Variants in ARHGAP27 observed in about 807,000 individuals in gnomAD.
The protein encoded by ARHGAP27 is rho GTPase-activating protein 27.
Under a neutral mutation model 102.0 loss-of-function variants are expected in ARHGAP27, and 53 were observed. The observed-to-expected ratio is 0.52, with a 90% confidence interval of 0.42 to 0.65. The LOEUF is 0.65. Among genes scored for constraint, ARHGAP27 ranks in the 30% least tolerant of loss-of-function variants. The probability of loss-of-function intolerance (pLI) is 0.00; values close to 1 mark genes in which losing one functional copy is unlikely to be tolerated. For missense variants in ARHGAP27, 1,117 were observed against 1,256.2 expected (o/e 0.89, Z 1.68); for synonymous variants, 525 against 542.8 (o/e 0.97, Z 0.46).
rs574403010 is a variant in ARHGAP27 at position 45,416,649 on chromosome 17, A to G, written c.658-10566T>C. Among the ~76,000 whole-genome samples the G allele has an allele frequency of 2.5e-3, 378 of 151,190 alleles. 2 individuals carry two copies. Among genetic ancestry groups the G allele is most frequent in the Middle Eastern group, 6.8e-3 (2 of 292 alleles). ...CTGCAACCTCTGCCTCCCAGGTTCA[A>G]GCAATTCTCTGCCTCTGCCTCCAGA... On this transcript the variant is annotated intron_variant, in intron 4 of 19. Transcript: ENST00000685559.
intron 4 of ARHGAP27, among the ~76,000 whole-genome samples, chr17:45,421,833 T>A (rs2049060597): frequency 6.6e-6 from 1 of 152,202 alleles, no homozygotes; most frequent in African/African-American, 2.4e-5. Flanking sequence ...ACAGATTGAA[T>A]TCTCCCACTA....
Position 45,429,939 on chromosome 17 carries a change from C to T in ARHGAP27, c.341G>A (p.Gly114Glu). 1 of 1,132,514 alleles carries T rather than the reference C, an allele frequency of 8.8e-7. No homozygotes were observed. Among genetic ancestry groups the T allele is most frequent in the Non-Finnish European group, 1.1e-6 (1 of 926,414 alleles). 70.2% of individuals were successfully genotyped at this position (1,132,514 alleles called of 1,614,324 possible). Residue 114 changes from glycine to glutamate, a missense_variant, in exon 4 of 20, where the codon GGA (glycine) becomes GAA (glutamate). This residue lies in a region of ARHGAP27 where 610 missense variants were observed against 716.4 expected (regional missense o/e 0.85). Transcript: ENST00000685559. The part of the protein sequence containing the change: ...AGPDGAPEES[G>E]GRASSLCGPA... ...GCCGCACAGGGAGCTGGCTCGGCCT[C>T]CGGACTCCTCGGGGGCGCCGTCGGG...
intron 12 of ARHGAP27, 98 bp from the exon 13 acceptor site, chr17:45,398,145 T>C: frequency 1.1e-6 from 1 of 905,236 alleles, no homozygotes; most frequent in South Asian, 2.5e-5. Context: ...AGGTGACCTG[T>C]CCCTGCCCCC....
chr17:45,408,614 C>T (rs963214433), intron 4 of ARHGAP27: 1 of 152,152 alleles, frequency 6.6e-6, no homozygotes, highest in South Asian at 2.1e-4. Flanking sequence ...TGTAGTCCAA[C>T]CACAACAGGC....
intron 4 of ARHGAP27, among the ~76,000 whole-genome samples, chr17:45,426,733 C>A (rs1328612489): frequency 1.3e-5 from 2 of 152,150 alleles, no homozygotes; most frequent in South Asian, 2.1e-4. Context: ...TGACCCTACA[C>A]CCCCTCTGGC....
chr17:45,403,619 C>G lies in ARHGAP27; in HGVS notation c.1638G>C (p.Leu546=). Residue 546 remains leucine, a splice_region_variant and synonymous_variant, in exon 11 of 20, where the codon CTG becomes CTC. Transcript: ENST00000685559. The part of the protein sequence containing the change: ...KDSKTSAAGG[L]RQPSKFSTPE... Reference sequence around the variant, plus strand: ...CCCTGCCCTGAGGGCCTGGCCTTACCAGGCCGCCTGCAGCCGAGGTCTTTG... The same window carrying G: ...CCCTGCCCTGAGGGCCTGGCCTTACGAGGCCGCCTGCAGCCGAGGTCTTTG... 1 of 1,613,190 alleles carries G rather than the reference C, an allele frequency of 6.2e-7. No individual in the cohort carries two copies. Among genetic ancestry groups the G allele is most frequent in the Non-Finnish European group, 8.5e-7 (1 of 1,179,592 alleles).
Position 45,397,030 on chromosome 17 carries a change from T to C in ARHGAP27, c.1843-6A>G. On this transcript the variant is annotated splice_polypyrimidine_tract_variant and splice_region_variant and intron_variant, in intron 13 of 19. Coordinates refer to ENST00000685559, the MANE Select transcript of ARHGAP27 (RefSeq NM_001282290.2). ...TCTGGGGGCAGCTCTGCGGACTGGA[T>C]TCCCATAGCCTCAGAGAGGCGGGGC... 1 of 1,602,340 alleles carries C rather than the reference T, an allele frequency of 6.2e-7. No homozygotes were observed. Among genetic ancestry groups the C allele is most frequent in the Non-Finnish European group, 8.5e-7 (1 of 1,179,920 alleles).
chr17:45,411,703 G>A (rs948196540), intron 4 of ARHGAP27, among the ~76,000 whole-genome samples: 3 of 152,068 alleles, frequency 2.0e-5, no homozygotes, highest in African/African-American at 7.2e-5. Flanking sequence ...TCAGGGTGGA[G>A]GACAGCAGGA....
Position 45,395,505 on chromosome 17 carries a change from A to G in ARHGAP27, c.2621T>C (p.Val874Ala). ...MPMTMVFQNQ[V>A]VELILQQCAD... ...GCACTGCTGCAGGATGAGCTCCACC[A>G]CCTGGTTCTGGAACACCATGGTCAT... The change falls in exon 20 of 20, where the codon GTG becomes GCG. Residue 874 changes from valine to alanine, a missense_variant. By Grantham distance (64) the Val-to-Ala change is moderately conservative. Around this residue, in one of 3 missense-constraint regions of ARHGAP27, gnomAD observed 493 missense variants for 505.5 expected, o/e 0.98. Transcript: ENST00000685559. 6.3e-7 allele frequency: 1 copy of G among 1,593,446 alleles called. No individual in the cohort carries two copies. Among genetic ancestry groups the G allele is most frequent in the Non-Finnish European group, 8.5e-7 (1 of 1,169,626 alleles).
chr17:45,431,672 G>T lies in ARHGAP27; in HGVS notation c.-70C>A, dbSNP rs1205111922. ...CATGGGCTGGGTGGGCGGAGCCGGCGGTGGCTGCAGGTTAGGCCCCTACCA... is the reference window on the plus strand; with the variant it reads ...CATGGGCTGGGTGGGCGGAGCCGGCTGTGGCTGCAGGTTAGGCCCCTACCA... On this transcript the variant is annotated 5_prime_UTR_variant, in exon 3 of 20. Coordinates refer to ENST00000685559, the MANE Select transcript of ARHGAP27 (RefSeq NM_001282290.2). 6 of 176,034 alleles carry T rather than the reference G, an allele frequency of 3.4e-5. No individual in the cohort carries two copies. The highest frequency in any genetic ancestry group is 2.3e-3 in the Middle Eastern group (2 of 862). The allele number at this position is 176,034 out of a possible 1,614,324, so 10.9% of individuals were successfully genotyped here. A position where few individuals can be genotyped will look rare whatever the true frequency, so the allele number is the denominator to read the frequency against.
Position 45,396,776 on chromosome 17 carries a change from C to T in ARHGAP27, c.1966G>A (p.Gly656Ser), listed in dbSNP as rs140979770. The T allele has an allele frequency of 3.0e-5, 48 of 1,612,134 alleles. No homozygotes were observed. The African/African-American group carries it at 5.3e-4, about 18-fold the overall frequency. Residue 656 changes from glycine (G) to serine (S), a missense_variant, in exon 15 of 20, where the codon GGC becomes AGC. Transcript: ENST00000685559. ...ARPNAAAPAL[G>S]PVGLESDLSK... ...AAGTCGCTCTCCAGGCCCACGGGGC[C>T]CAGGGCGGGCGCGGCTGCCGCGGGG...
In ARHGAP27 at chr17:45,398,220, G is replaced by A. The variant is rs549662376; in HGVS notation, c.1744-173C>T. On this transcript the variant is annotated intron_variant, in intron 12 of 19. Transcript: ENST00000685559. ...GCTAAGTCTTGGATCTCTGCCTCACGTAAAGCAGTGGCTGACAGCATCTCT... is the reference window on the plus strand; with the variant it reads ...GCTAAGTCTTGGATCTCTGCCTCACATAAAGCAGTGGCTGACAGCATCTCT... Among the ~76,000 whole-genome samples the A allele has an allele frequency of 3.3e-5, 5 of 152,340 alleles. No individual in the cohort carries two copies. In the East Asian group the frequency reaches 9.6e-4, roughly 29 times the overall value.
At chr17:45,403,393 C>G (rs12150247) in intron 11 of ARHGAP27, among the ~76,000 whole-genome samples, 8,366 of 152,178 alleles carry the variant, frequency 0.055, 329 homozygotes, top group Non-Finnish European at 0.083. Flanking sequence ...AACCCTATCT[C>G]TACTAAAAAC....
At chr17:45,405,240 G>C (rs974451662) in intron 5 of ARHGAP27, 134 bp from the exon 6 acceptor site, 1 of 985,172 alleles carries the variant, frequency 1.0e-6, no homozygotes, top group Non-Finnish European at 1.5e-6. Flanking sequence ...GGTCAGAAGC[G>C]CTCAGAGGTA....
chr17:45,416,069 G>T (rs1264615329), intron 4 of ARHGAP27, among the ~76,000 whole-genome samples: 1 of 150,758 alleles, frequency 6.6e-6, no homozygotes, highest in Non-Finnish European at 1.5e-5. Context: ...TTTTTGAGAC[G>T]GAGTCTGGCT....
chr17:45,422,968 G>T (rs1285993349), intron 4 of ARHGAP27, among the ~76,000 whole-genome samples: 1 of 151,992 alleles, frequency 6.6e-6, no homozygotes, highest in African/African-American at 2.4e-5. Context: ...ATCACTTGAG[G>T]TCAGGAGTTG....
At chr17:45,401,264 A>G (rs1467509293) in intron 12 of ARHGAP27, among the ~76,000 whole-genome samples, 1 of 151,394 alleles carries the variant, frequency 6.6e-6, no homozygotes, top group African/African-American at 2.4e-5. Context: ...GCTTGAGCCC[A>G]GGGGCTTGTG....
At chr17:45,396,370 C>A in intron 16 of ARHGAP27, 86 bp from the exon 17 acceptor site, 1 of 1,476,456 alleles carries the variant, frequency 6.8e-7, no homozygotes, top group South Asian at 1.3e-5. Context: ...CCACTCGGGG[C>A]CTCCCGTACT....
chr17:45,396,642 C>T, intron 15 of ARHGAP27, 26 bp downstream of exon 15: 1 of 1,612,488 alleles, frequency 6.2e-7, no homozygotes, highest in Non-Finnish European at 8.5e-7. Flanking sequence ...GGTCCCGGGT[C>T]CCCGCCCCCC....
Sources: allele counts gnomAD v4.1 joint callset (sites outside exome capture counted in the v4.1 genomes callset), GRCh38; gene constraint gnomAD v4.1.1; regional missense constraint gnomAD v4.1.1; transcripts MANE v1.5; gene names NCBI Gene and HGNC (gene_info 2026-07-23, HGNC 2026-07-21).